The following SLC4A5 variants were observed in gnomAD, a reference collection of about 807,000 sequenced individuals.
SLC4A5 encodes solute carrier family 4 member 5.
SLC4A5 carries 96 observed loss-of-function variants against 120.4 expected under a neutral mutation model. That is an observed-to-expected ratio of 0.80 (90% CI 0.68 to 0.94). The LOEUF (loss-of-function observed/expected upper bound fraction) is 0.94. SLC4A5 is among the 40% of genes least tolerant of loss of function. The probability of loss-of-function intolerance (pLI) is 0.00; values close to 1 mark genes in which losing one functional copy is unlikely to be tolerated. For synonymous variants in SLC4A5, 550 were observed against 571.1 expected (o/e 0.96, Z 0.53); for missense variants, 1,259 against 1,459.5 (o/e 0.86, Z 2.24).
intron 7 of SLC4A5, among the ~76,000 whole-genome samples, chr2:74,303,916 C>A (rs1251320764): frequency 6.7e-6 from 1 of 149,252 alleles, no homozygotes; most frequent in Non-Finnish European, 1.5e-5. Flanking sequence ...GTGGCGGGAT[C>A]TCGGCTCACT....
intron 21 of SLC4A5, among the ~76,000 whole-genome samples, chr2:74,238,650 TA>T (rs1670343544): frequency 6.6e-6 from 1 of 152,188 alleles, no homozygotes. Context: ...AACAATTGAC[TA>T]TATAAAATCA....
chr2:74,232,538 T>G (rs1465605617), exon 24 of SLC4A5: 4 of 1,613,824 alleles, frequency 2.5e-6, no homozygotes, highest in Non-Finnish European at 2.5e-6. Flanking sequence ...GCTGTCGATG[T>G]GGGCGATGGA....
At chr2:74,320,097 T>C (rs1673059008) in intron 5 of SLC4A5, among the ~76,000 whole-genome samples, 1 of 151,834 alleles carries the variant, frequency 6.6e-6, no homozygotes, top group Non-Finnish European at 1.5e-5. Context: ...TATCAGATAA[T>C]AGAACACAAA....
chr2:74,331,686 G>T (rs923245863), intron 4 of SLC4A5, among the ~76,000 whole-genome samples: 1 of 151,870 alleles, frequency 6.6e-6, no homozygotes, highest in Non-Finnish European at 1.5e-5. Flanking sequence ...GCATTTGTCA[G>T]GGGGAAATCT....
At chr2:74,293,121 G>A (rs1304377216) in intron 7 of SLC4A5, among the ~76,000 whole-genome samples, 1 of 152,160 alleles carries the variant, frequency 6.6e-6, no homozygotes, top group East Asian at 1.9e-4. Context: ...CTGACTATTG[G>A]GGACTGGGAG....
At chr2:74,268,989 C>G (rs1199961143) in intron 8 of SLC4A5, among the ~76,000 whole-genome samples, 1 of 152,168 alleles carries the variant, frequency 6.6e-6, no homozygotes, top group East Asian at 1.9e-4. Flanking sequence ...ATGGGGAGAT[C>G]TAATTAGAGA....
chr2:74,222,999 T>C (rs781129527), intron 28 of SLC4A5, 47 bp from the exon 29 acceptor site: 1 of 1,377,282 alleles, frequency 7.3e-7, no homozygotes, highest in African/African-American at 1.5e-5. Flanking sequence ...ACACAACAAT[T>C]TGGCTTTCTT....
intron 5 of SLC4A5, among the ~76,000 whole-genome samples, chr2:74,318,338 G>T (rs940300465): frequency 6.6e-6 from 1 of 152,156 alleles, no homozygotes; most frequent in Non-Finnish European, 1.5e-5. Flanking sequence ...TCAGAGAAAT[G>T]CAAATTAAAA....
intron 8 of SLC4A5, 38 bp downstream of exon 8, chr2:74,285,735 A>T: frequency 6.2e-7 from 1 of 1,601,740 alleles, no homozygotes; most frequent in Non-Finnish European, 8.5e-7. Context: ...GCTGTGTGAG[A>T]CTGAAGTGCC....
chr2:74,257,398 A>C (rs1671001699), intron 12 of SLC4A5, among the ~76,000 whole-genome samples: 1 of 152,040 alleles, frequency 6.6e-6, no homozygotes, highest in Non-Finnish European at 1.5e-5. Flanking sequence ...GCTGATTACT[A>C]AGCAGCGTTC....
intron 2 of SLC4A5, among the ~76,000 whole-genome samples, chr2:74,339,942 C>G (rs10168300): frequency 0.21 from 32,116 of 152,112 alleles, 4,793 homozygotes; most frequent in East Asian, 0.47. Flanking sequence ...AGACACAAAA[C>G]GACAAATACT....
chr2:74,264,587 G>A (rs947562461), intron 9 of SLC4A5, among the ~76,000 whole-genome samples: 3 of 151,764 alleles, frequency 2.0e-5, no homozygotes, highest in Non-Finnish European at 4.4e-5. Flanking sequence ...TGCCCCAGGA[G>A]GCACAAAAGT....
intron 16 of SLC4A5, among the ~76,000 whole-genome samples, chr2:74,251,056 G>A (rs1206773142): frequency 3.3e-5 from 5 of 152,162 alleles, no homozygotes; most frequent in Non-Finnish European, 7.3e-5. Flanking sequence ...TATTCCCATA[G>A]CCCCTAATGC....
At chr2:74,306,692 C>A (rs757740745) in intron 6 of SLC4A5, 34 of 1,027,818 alleles carry the variant, frequency 3.3e-5, no homozygotes, top group Non-Finnish European at 4.5e-5. Context: ...TATTGGCCTC[C>A]TGCTCCCCAA....
chr2:74,284,055 C>T (rs1671898578), intron 8 of SLC4A5, among the ~76,000 whole-genome samples: 1 of 151,926 alleles, frequency 6.6e-6, no homozygotes, highest in Non-Finnish European at 1.5e-5. Flanking sequence ...CCTATGTTGT[C>T]CAGGCTGGTC....
At chr2:74,300,803 T>C (rs1672457742) in intron 7 of SLC4A5, among the ~76,000 whole-genome samples, 1 of 152,206 alleles carries the variant, frequency 6.6e-6, no homozygotes, top group Admixed American at 6.5e-5. Context: ...AAGGGGCTGC[T>C]TTCCATGTAG....
intron 5 of SLC4A5, among the ~76,000 whole-genome samples, chr2:74,320,431 T>C (rs11898353): frequency 0.072 from 11,026 of 152,190 alleles, 1,331 homozygotes; most frequent in African/African-American, 0.25. Flanking sequence ...ACCAAGAATC[T>C]GAAACAAGAA....
At chr2:74,273,702 T>C (rs1378270094) in intron 8 of SLC4A5, among the ~76,000 whole-genome samples, 1 of 152,252 alleles carries the variant, frequency 6.6e-6, no homozygotes, top group Non-Finnish European at 1.5e-5. Context: ...ATATGAGTCA[T>C]ATCAGGATAC....
intron 5 of SLC4A5, among the ~76,000 whole-genome samples, chr2:74,317,521 G>A (rs1214938439): frequency 6.6e-6 from 1 of 152,158 alleles, no homozygotes; most frequent in Non-Finnish European, 1.5e-5. Flanking sequence ...TTCATAAGGA[G>A]TTCTGAGGTT....
Sources: allele counts gnomAD v4.1 joint callset (sites outside exome capture counted in the v4.1 genomes callset), GRCh38; gene constraint gnomAD v4.1.1; transcripts MANE v1.5; gene names NCBI Gene and HGNC (gene_info 2026-07-23, HGNC 2026-07-21).